Variants in ROBO1 observed in about 807,000 individuals in gnomAD.
The protein encoded by ROBO1 is roundabout homolog 1.
A neutral mutation model predicts 195.9 loss-of-function variants in ROBO1; 149 were observed. The observed-to-expected ratio is 0.76, with a 90% CI of 0.67 to 0.87. The LOEUF (loss-of-function observed/expected upper bound fraction) is 0.87, where lower values mean the gene tolerates loss of function less well. Among genes scored for constraint, ROBO1 ranks in the 40% least tolerant of loss-of-function variants. The pLI, the probability that ROBO1 is intolerant of heterozygous loss-of-function variation, is 0.00. For missense variants in ROBO1, 1,933 were observed against 2,068.3 expected (o/e 0.93, Z 1.27); for synonymous variants, 816 against 733.2 (o/e 1.11, Z -1.82).
At chr3:79,272,045 A>G (rs553823925) in intron 2 of ROBO1, among the ~76,000 whole-genome samples, 4 of 152,142 alleles carry the variant, frequency 2.6e-5, no homozygotes, top group African/African-American at 9.6e-5. Flanking sequence ...GATGTTAACA[A>G]TGTAAGAGGA....
At chr3:79,438,669 C>CA (rs2038961780) in intron 2 of ROBO1, among the ~76,000 whole-genome samples, 1 of 152,010 alleles carries the variant, frequency 6.6e-6, no homozygotes, top group Admixed American at 6.6e-5. Context: ...GGAATGATAG[C>CA]AAATTGGTTT....
intron 2 of ROBO1, among the ~76,000 whole-genome samples, chr3:79,385,191 C>G (rs567283047): frequency 2.0e-5 from 3 of 151,930 alleles, no homozygotes; most frequent in East Asian, 3.9e-4. Context: ...TAAATTTGGA[C>G]GCATGAAGTT....
chr3:79,277,338 G>C (rs1423384185), intron 2 of ROBO1, among the ~76,000 whole-genome samples: 1 of 151,982 alleles, frequency 6.6e-6, no homozygotes, highest in East Asian at 1.9e-4. Flanking sequence ...GGAACTCAAG[G>C]TCATTATGCT....
intron 3 of ROBO1, among the ~76,000 whole-genome samples, chr3:79,005,684 T>C (rs946733109): frequency 6.6e-6 from 1 of 152,204 alleles, no homozygotes; most frequent in Non-Finnish European, 1.5e-5. Flanking sequence ...ACAGAAATGC[T>C]AGATATGCTC....
chr3:79,227,408 T>A (rs1360328901), intron 2 of ROBO1, among the ~76,000 whole-genome samples: 1 of 152,188 alleles, frequency 6.6e-6, no homozygotes, highest in Non-Finnish European at 1.5e-5. Context: ...TTTTTCTACC[T>A]CGGTCTTCCC....
intron 1 of ROBO1, among the ~76,000 whole-genome samples, chr3:79,684,991 C>A (rs1431135682): frequency 6.6e-6 from 1 of 152,022 alleles, no homozygotes; most frequent in Non-Finnish European, 1.5e-5. Flanking sequence ...TGTGGCAACT[C>A]TGGAAATCAG....
chr3:78,976,479 C>T (rs1283090117), intron 3 of ROBO1, among the ~76,000 whole-genome samples: 1 of 152,092 alleles, frequency 6.6e-6, no homozygotes, highest in Admixed American at 6.6e-5. Context: ...TTCTGTCTGC[C>T]CAGATTTACA....
intron 2 of ROBO1, among the ~76,000 whole-genome samples, chr3:79,555,552 A>G (rs73118856): frequency 0.27 from 41,314 of 151,930 alleles, 5,770 homozygotes; most frequent in Non-Finnish European, 0.32. Flanking sequence ...TAGTAACATA[A>G]ATTAACTTCC....
At chr3:78,810,946 CA>C (rs912481081) in intron 4 of ROBO1, among the ~76,000 whole-genome samples, 58 of 152,226 alleles carry the variant, frequency 3.8e-4, no homozygotes, top group African/African-American at 1.4e-3. Context: ...AGAAAAAGGA[CA>C]AAACTGGGAA....
intron 1 of ROBO1, among the ~76,000 whole-genome samples, chr3:79,642,188 T>C (rs555450473): frequency 3.5e-4 from 54 of 152,226 alleles, no homozygotes; most frequent in African/African-American, 1.3e-3. Context: ...GTGAAAATAA[T>C]CAGTGAGCTT....
chr3:78,745,935 T>G (rs1327375614), intron 5 of ROBO1, among the ~76,000 whole-genome samples: 1 of 152,204 alleles, frequency 6.6e-6, no homozygotes, highest in Non-Finnish European at 1.5e-5. Flanking sequence ...GACCTTTTCC[T>G]CACACATACA....
intron 2 of ROBO1, among the ~76,000 whole-genome samples, chr3:79,283,886 A>T (rs1317621818): frequency 6.6e-6 from 1 of 151,510 alleles, no homozygotes; most frequent in Non-Finnish European, 1.5e-5. Flanking sequence ...TTTAGTAGAG[A>T]CGGGGTTTCA....
chr3:79,760,890 C>T lies in ROBO1; in HGVS notation c.-51+6862G>A, dbSNP rs200577334. Among the ~76,000 whole-genome samples, 45 of 151,580 alleles carry T rather than the reference C, an allele frequency of 3.0e-4. No individual in the cohort carries two copies. The East Asian group carries it at 6.6e-3, about 22-fold the overall frequency. On this transcript the variant is annotated intron_variant, in intron 1 of 30. Transcript: ENST00000464233. ...CAAAAAAGAGAAGAAACACATTACA[C>T]GTCATCAGCAATTTCACTTCTAGGC...
chr3:79,099,818 C>T lies in ROBO1; in HGVS notation c.172+25638G>A, dbSNP rs529744972. ...ATTCATGGTTCTGTAACTCAATTAC[C>T]ACCCTAACTCCCAAAAGATCTTTTT... On this transcript the variant is annotated intron_variant, in intron 3 of 30. Transcript: ENST00000464233. Among the ~76,000 whole-genome samples the T allele has an allele frequency of 2.6e-5, 4 of 151,726 alleles. No individual in the cohort carries two copies. The East Asian group carries it at 7.8e-4, about 29-fold the overall frequency.
At chr3:79,056,209 G>C (rs759797079) in intron 3 of ROBO1, among the ~76,000 whole-genome samples, 5 of 152,054 alleles carry the variant, frequency 3.3e-5, no homozygotes, top group Non-Finnish European at 7.4e-5. Context: ...TCAGGAGCCT[G>C]CAGCTTGCTA....
rs1003065795 is a variant in ROBO1 at position 78,597,257 on chromosome 3, TAATA to T, written c.*1652_*1655del. ...AGAAAGATGTATTTGAGAACATTTTTAATAAATAATGTGACAAAATTACTTTTCT... is the reference window on the plus strand; with the variant it reads ...AGAAAGATGTATTTGAGAACATTTTTAATAATGTGACAAAATTACTTTTCT... On this transcript the variant is annotated 3_prime_UTR_variant, in exon 31 of 31. Coordinates refer to ENST00000464233, the MANE Select transcript of ROBO1 (RefSeq NM_002941.4). 5 of 152,718 alleles carry T rather than the reference TAATA, an allele frequency of 3.3e-5. No homozygotes were observed. The highest frequency in any genetic ancestry group is 7.2e-5 in the African/African-American group (3 of 41,568). 9.5% of individuals were successfully genotyped at this position (152,718 alleles called of 1,614,324 possible).
chr3:78,776,779 C>T (rs925565368), intron 4 of ROBO1, among the ~76,000 whole-genome samples: 3 of 152,128 alleles, frequency 2.0e-5, no homozygotes, highest in Admixed American at 6.5e-5. Context: ...CTGTCATTTA[C>T]TTAGTATCTG....
At chr3:78,884,840 G>A (rs2036442530) in intron 4 of ROBO1, among the ~76,000 whole-genome samples, 1 of 110,950 alleles carries the variant, frequency 9.0e-6, no homozygotes, top group African/African-American at 4.4e-5. Context: ...AGAAGAAATA[G>A]ACTCTCTCTC....
Position 79,217,850 on chromosome 3 carries a change from T to C in ROBO1, c.89-92311A>G, listed in dbSNP as rs147879342. ...ATACAAATATCTTATTAAACAATCA[T>C]ATTTGATAGAATTCCAAGCAAAATT... is the stretch of plus-strand genomic sequence containing the variant. On this transcript the variant is annotated intron_variant, in intron 2 of 30. Transcript: ENST00000464233. 8.3e-3 allele frequency among the ~76,000 whole-genome samples: 1,255 copies of C among 151,964 alleles called. 23 individuals are homozygous for C. The highest frequency in any genetic ancestry group is 0.027 in the African/African-American group (1,141 of 41,494).
Sources: allele counts gnomAD v4.1 joint callset (sites outside exome capture counted in the v4.1 genomes callset), GRCh38; gene constraint gnomAD v4.1.1; transcripts MANE v1.5; gene names NCBI Gene and HGNC (gene_info 2026-07-23, HGNC 2026-07-21).